MYO3B: variants seen among roughly 807,000 people sequenced by gnomAD.
MYO3B encodes myosin-IIIb.
A neutral mutation model predicts 174.6 loss-of-function variants in MYO3B; 156 were observed. The ratio of observed to expected loss-of-function variants is 0.89; its 90% CI spans 0.78 to 1.02. The LOEUF is 1.02. MYO3B is among the 50% of genes least tolerant of loss of function. The probability of loss-of-function intolerance (pLI) is 0.00; values close to 1 mark genes in which losing one functional copy is unlikely to be tolerated. For missense variants in MYO3B, 1,632 were observed against 1,639.4 expected (o/e 1.00, Z 0.08); for synonymous variants, 563 against 569.1 (o/e 0.99, Z 0.15).
chr2:170,622,484 C>G (rs1382319649), intron 32 of MYO3B, among the ~76,000 whole-genome samples: 2 of 152,162 alleles, frequency 1.3e-5, no homozygotes, highest in Non-Finnish European at 2.9e-5. Context: ...CTCCCACAAG[C>G]CTTACCCCAA....
At chr2:170,370,061 T>G (rs773694622) in intron 9 of MYO3B, among the ~76,000 whole-genome samples, 1 of 152,214 alleles carries the variant, frequency 6.6e-6, no homozygotes, top group Non-Finnish European at 1.5e-5. Flanking sequence ...GGTAAATCTC[T>G]AAGAAATAGA....
At chr2:170,509,026 A>G (rs1015022844) in intron 28 of MYO3B, among the ~76,000 whole-genome samples, 2 of 150,452 alleles carry the variant, frequency 1.3e-5, no homozygotes, top group African/African-American at 4.9e-5. Context: ...GGGGGAAAAA[A>G]GTCTGTGAAA....
At chr2:170,648,888 A>C (rs1446270253) in intron 32 of MYO3B, among the ~76,000 whole-genome samples, 27 of 84,576 alleles carry the variant, frequency 3.2e-4, no homozygotes, top group African/African-American at 1.4e-3. Context: ...TCTATATATT[A>C]TATATGAAAT....
intron 33 of MYO3B, 25 bp from the exon 34 acceptor site, chr2:170,652,083 T>A: frequency 6.2e-7 from 1 of 1,604,138 alleles, no homozygotes; most frequent in Non-Finnish European, 8.5e-7. Flanking sequence ...TTGCTTTGAC[T>A]GTGTGTTCTT....
At chr2:170,305,832 C>T (rs1023198995) in intron 7 of MYO3B, among the ~76,000 whole-genome samples, 4 of 152,178 alleles carry the variant, frequency 2.6e-5, no homozygotes, top group Non-Finnish European at 5.9e-5. Flanking sequence ...AAGTGACTTC[C>T]TCCCTCAGCC....
At chr2:170,496,924 G>A (rs530882731) in intron 25 of MYO3B, among the ~76,000 whole-genome samples, 1 of 152,150 alleles carries the variant, frequency 6.6e-6, no homozygotes, top group South Asian at 2.1e-4. Context: ...CACTATGCCT[G>A]GTGCCTCAAC....
intron 22 of MYO3B, among the ~76,000 whole-genome samples, chr2:170,409,399 C>T (rs2094531619): frequency 6.6e-6 from 1 of 152,198 alleles, no homozygotes; most frequent in Non-Finnish European, 1.5e-5. Flanking sequence ...TGAAACTACA[C>T]TCCACACCAC....
At chr2:170,640,596 T>C (rs1030816018) in intron 32 of MYO3B, 9 of 152,246 alleles carry the variant, frequency 5.9e-5, no homozygotes, top group African/African-American at 1.9e-4. Context: ...TAATTTCTTA[T>C]GTAAAATAAA....
At chr2:170,183,342 T>C (rs1175007872) in intron 1 of MYO3B, among the ~76,000 whole-genome samples, 1 of 152,218 alleles carries the variant, frequency 6.6e-6, no homozygotes, top group African/African-American at 2.4e-5. Context: ...GCATAAGGTA[T>C]ATGGTTTTGC....
chr2:170,429,126 A>G (rs914674291), intron 22 of MYO3B, among the ~76,000 whole-genome samples: 1 of 152,202 alleles, frequency 6.6e-6, no homozygotes, highest in Admixed American at 6.5e-5. Flanking sequence ...TACCACCAAT[A>G]GATAAGGTAT....
chr2:170,558,077 G>A (rs987145726), intron 32 of MYO3B, among the ~76,000 whole-genome samples: 2 of 152,230 alleles, frequency 1.3e-5, no homozygotes, highest in East Asian at 1.9e-4. Context: ...CAAGGCGGGC[G>A]GATCACAAGG....
chr2:170,194,988 C>T (rs578121212), intron 1 of MYO3B, among the ~76,000 whole-genome samples: 1 of 152,062 alleles, frequency 6.6e-6, no homozygotes, highest in African/African-American at 2.4e-5. Context: ...GCAAGTCTAG[C>T]CCTTCCGCGT....
chr2:170,203,945 G>T (rs1156334335), intron 3 of MYO3B, among the ~76,000 whole-genome samples: 2 of 152,146 alleles, frequency 1.3e-5, no homozygotes, highest in East Asian at 3.9e-4. Flanking sequence ...AGAGAGTTAA[G>T]AGGCTGAGGA....
chr2:170,429,793 C>T (rs4668258), intron 22 of MYO3B, among the ~76,000 whole-genome samples: 58,188 of 151,940 alleles, frequency 0.38, 11,588 homozygotes, highest in East Asian at 0.57. Context: ...TTTTCCTCAT[C>T]CTCTCATGAA....
intron 7 of MYO3B, among the ~76,000 whole-genome samples, chr2:170,325,272 A>G (rs1481395004): frequency 6.6e-6 from 1 of 152,016 alleles, no homozygotes; most frequent in Non-Finnish European, 1.5e-5. Flanking sequence ...CACTGGTACA[A>G]TCTTGGCTCA....
At chr2:170,320,466 A>G (rs1488738350) in intron 7 of MYO3B, among the ~76,000 whole-genome samples, 2 of 152,090 alleles carry the variant, frequency 1.3e-5, no homozygotes, top group Non-Finnish European at 2.9e-5. Context: ...TATTTAATGA[A>G]CCTATCTCAT....
chr2:170,199,780 A>T (rs955546270), intron 2 of MYO3B, among the ~76,000 whole-genome samples: 8 of 152,182 alleles, frequency 5.3e-5, no homozygotes, highest in African/African-American at 1.9e-4. Context: ...TTGCACAGTG[A>T]GGTTTTACAT....
At chr2:170,591,137 A>T (rs1203232036) in intron 32 of MYO3B, among the ~76,000 whole-genome samples, 1 of 152,146 alleles carries the variant, frequency 6.6e-6, no homozygotes, top group Non-Finnish European at 1.5e-5. Flanking sequence ...AGGTGTAGGT[A>T]ATTTTTTCTT....
intron 1 of MYO3B, among the ~76,000 whole-genome samples, chr2:170,185,858 CA>C (rs56381761): frequency 0.42 from 64,443 of 151,726 alleles, 15,015 homozygotes; most frequent in East Asian, 0.56. Context: ...AGAGATCTTT[CA>C]TTTTTTTGGG....
Sources: gnomAD v4.1 joint callset for allele counts (sites outside exome capture counted in the v4.1 genomes callset) on GRCh38, gnomAD v4.1.1 for gene constraint, MANE v1.5 for transcripts, NCBI Gene and HGNC (gene_info 2026-07-23, HGNC 2026-07-21) for gene names.